The following SERPINB12 variants were observed in gnomAD, a reference collection of about 807,000 sequenced individuals.
The protein encoded by SERPINB12 is serpin B12.
A neutral mutation model predicts 41.1 loss-of-function variants in SERPINB12; 57 were observed. The observed-to-expected ratio is 1.39, with a 90% CI of 1.12 to 1.73. The LOEUF is 1.73. SERPINB12 is among the 40% of genes most tolerant of loss of function. The probability of loss-of-function intolerance (pLI) is 0.00; values close to 1 mark genes in which losing one functional copy is unlikely to be tolerated. For synonymous variants in SERPINB12, 180 were observed against 181.3 expected (o/e 0.99, Z 0.06); for missense variants, 536 against 501.9 (o/e 1.07, Z -0.65).
chr18:63,537,629 A>G (rs939612232), upstream of SERPINB12, among the ~76,000 whole-genome samples: 4 of 152,140 alleles, frequency 2.6e-5, no homozygotes, highest in Admixed American at 6.6e-5. Flanking sequence ...GGAGATGAAA[A>G]CAAATCAGTA....
intron 1 of SERPINB12, among the ~76,000 whole-genome samples, chr18:63,545,191 T>A (rs1910357275): frequency 6.6e-6 from 1 of 152,172 alleles, no homozygotes; most frequent in African/African-American, 2.4e-5. Context: ...ACATTATTTT[T>A]ACGGCCTGTT....
chr18:63,522,543 G>A, the SERPINB12 span, among the ~76,000 whole-genome samples: 6 of 152,196 alleles, frequency 3.9e-5, no homozygotes, highest in East Asian at 9.6e-4. Flanking sequence ...TCAAATAAAA[G>A]CCATAAAACA....
At position 63,566,904 on chromosome 18, in the gene SERPINB12, T is replaced by A. The variant is rs976316258; in HGVS notation, c.1171T>A (p.Ser391Thr). ...AATGAVVSER[S>T]LRSWVEFNAN... ...CACTGGGGCTGTTGTCTCGGAAAGG[T>A]CACTACGATCTTGGGTGGAGTTTAA... is the stretch of plus-strand genomic sequence containing the variant. Residue 391 changes from serine to threonine, a missense_variant, in exon 8 of 8, where the codon TCA (serine) becomes ACA (threonine). Transcript: ENST00000382768. 1 of 1,614,032 alleles carries A rather than the reference T, an allele frequency of 6.2e-7. No homozygotes were observed. The highest frequency in any genetic ancestry group is 1.3e-5 in the African/African-American group (1 of 74,918).
chr18:63,536,619 T>C, the SERPINB12 span, among the ~76,000 whole-genome samples: 1 of 152,168 alleles, frequency 6.6e-6, no homozygotes, highest in Non-Finnish European at 1.5e-5. Context: ...AAAATTCTTC[T>C]CTTTCCATTC....
chr18:63,525,555 C>T, the SERPINB12 span, among the ~76,000 whole-genome samples: 3 of 152,036 alleles, frequency 2.0e-5, no homozygotes, highest in Non-Finnish European at 4.4e-5. Context: ...TTGTGTTCAG[C>T]AATTTATTTT....
At chr18:63,539,176 G>T (rs73961709), upstream of SERPINB12, among the ~76,000 whole-genome samples, 9,566 of 152,106 alleles carry the variant, frequency 0.063, 630 homozygotes, top group East Asian at 0.29. Context: ...CTCTTCTTGA[G>T]GTCTCCAGTA....
chr18:63,567,378 G>C lies in SERPINB12; in HGVS notation c.*367G>C, dbSNP rs1172934396. 1.3e-5 allele frequency among the ~76,000 whole-genome samples: 2 copies of C among 152,200 alleles called. No individual in the cohort carries two copies. The highest frequency in any genetic ancestry group is 4.8e-5 in the African/African-American group (2 of 41,458). On this transcript the variant is annotated 3_prime_UTR_variant, in exon 8 of 8. Coordinates refer to ENST00000382768, the MANE Select transcript of SERPINB12 (RefSeq NM_001307928.2). The stretch of plus-strand genomic sequence containing the variant: ...GAAGCCACTTTAACATGGGCAGCAA[G>C]AGAACATGTTTGACTGGAACGTGTT...
chr18:63,527,130 G>A, the SERPINB12 span, among the ~76,000 whole-genome samples: 3 of 152,190 alleles, frequency 2.0e-5, no homozygotes, highest in Non-Finnish European at 2.9e-5. Context: ...TGAATTGTGC[G>A]AGACCATCTC....
At chr18:63,554,078 G>T (rs1414811900) in intron 1 of SERPINB12, among the ~76,000 whole-genome samples, 2 of 152,200 alleles carry the variant, frequency 1.3e-5, no homozygotes, top group Non-Finnish European at 2.9e-5. Flanking sequence ...AGAACTGTGA[G>T]TTAGGTACAA....
In SERPINB12 at chr18:63,556,344, G is replaced by A. The variant is rs566879838; in HGVS notation, c.168+17G>A. On this transcript the variant is annotated intron_variant, in intron 2 of 7. Transcript: ENST00000382768. Reference sequence around the variant, plus strand: ...ATTGATGAGGTACGTGTCCACTAGGGTGCTACACAGGGTCCTAAACTCTGG... The same window carrying A: ...ATTGATGAGGTACGTGTCCACTAGGATGCTACACAGGGTCCTAAACTCTGG... 4.2e-5 allele frequency: 68 copies of A among 1,609,338 alleles called. No homozygotes were observed. Among genetic ancestry groups the A allele is most frequent in the Admixed American group, 1.3e-4 (8 of 59,654 alleles).
intron 4 of SERPINB12, 102 bp from the exon 5 acceptor site, chr18:63,560,983 G>A (rs1910884941): frequency 1.3e-6 from 1 of 744,782 alleles, no homozygotes; most frequent in Admixed American, 2.2e-5. Context: ...AAATGACCAG[G>A]CTCATCTTTC....
At chr18:63,559,000 TTCCTTC>T (rs1910779766) in intron 3 of SERPINB12, among the ~76,000 whole-genome samples, 2 of 40,210 alleles carry the variant, frequency 5.0e-5, no homozygotes, top group African/African-American at 1.8e-4. Context: ...CTTTCTTTCC[TTCCTTC>T]TTTCTTTCTT....
chr18:63,554,018 A>C (rs1224335249), intron 1 of SERPINB12, among the ~76,000 whole-genome samples: 3 of 152,098 alleles, frequency 2.0e-5, no homozygotes, highest in Admixed American at 2.0e-4. Flanking sequence ...CCCTGAAATT[A>C]GTTTGAAAAT....
the SERPINB12 span, among the ~76,000 whole-genome samples, chr18:63,525,632 A>G: frequency 6.6e-6 from 1 of 152,122 alleles, no homozygotes; most frequent in Non-Finnish European, 1.5e-5. Flanking sequence ...TATTACTTTA[A>G]CATTTCAAAT....
At chr18:63,542,288 G>T (rs1910288542), upstream of SERPINB12, among the ~76,000 whole-genome samples, 1 of 152,140 alleles carries the variant, frequency 6.6e-6, no homozygotes, top group Admixed American at 6.6e-5. Flanking sequence ...GGCCATAAAT[G>T]CATGTCTTAT....
At chr18:63,540,896 G>A (rs772230506), upstream of SERPINB12, among the ~76,000 whole-genome samples, 15 of 152,040 alleles carry the variant, frequency 9.9e-5, no homozygotes, top group Non-Finnish European at 4.4e-5. Flanking sequence ...ATGTTAAAAG[G>A]ACACAAAATT....
At chr18:63,537,453 A>G (rs1012653060), upstream of SERPINB12, among the ~76,000 whole-genome samples, 2 of 152,204 alleles carry the variant, frequency 1.3e-5, no homozygotes, top group African/African-American at 2.4e-5. Context: ...GCACAAAGGC[A>G]TGTTCCTAGA....
intron 1 of SERPINB12, among the ~76,000 whole-genome samples, chr18:63,554,039 T>A (rs1226469790): frequency 6.8e-6 from 1 of 147,364 alleles, no homozygotes; most frequent in African/African-American, 2.6e-5. Context: ...ACAAAGTACG[T>A]CTCAAACCCA....
chr18:63,564,083 A>G lies in SERPINB12; in HGVS notation c.668A>G (p.His223Arg), dbSNP rs1911011834. 2 of 1,614,038 alleles carry G rather than the reference A, an allele frequency of 1.2e-6. No homozygotes were observed. The highest frequency in any genetic ancestry group is 8.5e-7 in the Non-Finnish European group (1 of 1,180,016). ...FKAKWETYFD[H>R]ENTVDAPFCL... ...GCCAAATGGGAAACATACTTTGACC[A>G]TGAAAACACGGTGGATGCACCTTTC... is the stretch of plus-strand genomic sequence containing the variant. Residue 223 changes from histidine (H) to arginine (R), a missense_variant, in exon 6 of 8, where the codon CAT (histidine) becomes CGT (arginine). His to Arg is a conservative substitution (Grantham distance 29, BLOSUM62 0). Transcript: ENST00000382768.
Sources: allele counts gnomAD v4.1 joint callset (sites outside exome capture counted in the v4.1 genomes callset), GRCh38; gene constraint gnomAD v4.1.1; transcripts MANE v1.5; gene names NCBI Gene and HGNC (gene_info 2026-07-23, HGNC 2026-07-21).